AFG3L2: variants seen among roughly 807,000 people sequenced by gnomAD.
The protein encoded by AFG3L2 is AFG3 like matrix AAA peptidase subunit 2, also known as mitochondrial inner membrane m-AAA protease component AFG3L2.
A neutral mutation model predicts 94.5 loss-of-function variants in AFG3L2; 54 were observed. That is an observed-to-expected ratio of 0.57 (90% CI 0.46 to 0.72). The LOEUF (loss-of-function observed/expected upper bound fraction) is 0.72, where lower values mean the gene tolerates loss of function less well. AFG3L2 is among the 30% of genes least tolerant of loss of function. The pLI, the probability that AFG3L2 is intolerant of heterozygous loss-of-function variation, is 0.00. For missense variants in AFG3L2, 754 were observed against 994.9 expected (o/e 0.76, Z 3.26); for synonymous variants, 377 against 365.5 (o/e 1.03, Z -0.36).
At position 12,360,044 on chromosome 18, in the gene AFG3L2, A is replaced by G. The variant is rs1346072536; in HGVS notation, c.635T>C (p.Val212Ala). ...PGKTPVDGQY[V>A]WFNIGSVDTF... ...GTCCACACTGCCAATATTAAACCAA[A>G]CGTATTGCTATAAAAACAAAAAAAC... Residue 212 changes from valine (V) to alanine (A), a missense_variant, in exon 7 of 17, where the codon GTT becomes GCT. By Grantham distance (64) the Val-to-Ala change is moderately conservative. Coordinates refer to ENST00000269143, the MANE Select transcript of AFG3L2 (RefSeq NM_006796.3). 1.2e-6 allele frequency: 2 copies of G among 1,614,054 alleles called. No individual in the cohort carries two copies. Among genetic ancestry groups the G allele is most frequent in the Admixed American group, 1.7e-5 (1 of 60,018 alleles).
At chr18:12,349,086 C>T (rs754822973) in intron 12 of AFG3L2, among the ~76,000 whole-genome samples, 20 of 151,926 alleles carry the variant, frequency 1.3e-4, no homozygotes, top group Non-Finnish European at 2.1e-4. Context: ...TTTCATTTTG[C>T]GTTCAGAAGG....
chr18:12,332,945 A>AAT lies in AFG3L2; in HGVS notation c.2176-3164_2176-3163dup, dbSNP rs377242840. Among the ~76,000 whole-genome samples the AAT allele has an allele frequency of 0.017, 1,883 of 111,626 alleles. 243 individuals are homozygous for AAT. The East Asian group carries it at 0.25, about 15-fold the overall frequency. The allele number at this position is 111,626 out of a possible 152,430, so 73.2% of individuals were successfully genotyped here. On this transcript the variant is annotated intron_variant, in intron 16 of 16. Coordinates refer to ENST00000269143, the MANE Select transcript of AFG3L2 (RefSeq NM_006796.3). ...ATATAACATATACTATATAACATAT[A>AAT]ATATATTATATACTATAATATATTA...
chr18:12,372,265 C>A (rs1157701601), intron 1 of AFG3L2, among the ~76,000 whole-genome samples: 1 of 152,204 alleles, frequency 6.6e-6, no homozygotes, highest in African/African-American at 2.4e-5. Context: ...GATCACGCCA[C>A]TGCACTCCAG....
At chr18:12,357,936 G>A (rs1908543675) in intron 8 of AFG3L2, among the ~76,000 whole-genome samples, 1 of 152,114 alleles carries the variant, frequency 6.6e-6, no homozygotes, top group South Asian at 2.1e-4. Context: ...AGACAGTTAG[G>A]TGTAATGCAA....
chr18:12,348,529 T>G (rs1908216954), intron 12 of AFG3L2, 146 bp from the exon 13 acceptor site: 2 of 713,328 alleles, frequency 2.8e-6, no homozygotes, highest in Non-Finnish European at 5.0e-6. Context: ...CTGTTTTGAC[T>G]CATGATAACC....
intron 8 of AFG3L2, among the ~76,000 whole-genome samples, chr18:12,357,601 T>C (rs1568142112): frequency 6.6e-6 from 1 of 152,084 alleles, no homozygotes; most frequent in Non-Finnish European, 1.5e-5. Flanking sequence ...GCTCAAACAA[T>C]ACACTTTTTT....
At position 12,354,138 on chromosome 18, in the gene AFG3L2, C is replaced by CA. The variant is rs1313998052; in HGVS notation, c.1165-981_1165-980insT. 8.9e-5 allele frequency among the ~76,000 whole-genome samples: 12 copies of CA among 134,632 alleles called. 1 individual carries two copies. Among genetic ancestry groups the CA allele is most frequent in the African/African-American group, 3.0e-4 (10 of 33,224 alleles). The allele number at this position is 134,632 out of a possible 152,430, so 88.3% of individuals were successfully genotyped here. A position where few individuals can be genotyped will look rare whatever the true frequency, so the allele number is the denominator to read the frequency against. On this transcript the variant is annotated intron_variant, in intron 9 of 16. Transcript: ENST00000269143. ...TCTCCACCTGCCCACTCCCACCCCC[C>CA]CCCCCCCACTTCACTGGACAGAAGT...
rs1230338272 is a variant in AFG3L2, at chr18:12,377,033, C to T, written c.50G>A (p.Arg17His). 11 of 1,441,686 alleles carry T rather than the reference C, an allele frequency of 7.6e-6. No homozygotes were observed. The East Asian group carries it at 2.1e-4, about 28-fold the overall frequency. The allele number at this position is 1,441,686 out of a possible 1,614,324, so 89.3% of individuals were successfully genotyped here. A position where few individuals can be genotyped will look rare whatever the true frequency, so the allele number is the denominator to read the frequency against. Residue 17 changes from arginine to histidine, a missense_variant, in exon 1 of 17, where the codon CGC becomes CAC. Arg to His is a conservative substitution (Grantham distance 29). This residue lies in a region of AFG3L2 where 236 missense variants were observed against 214.0 expected (regional missense o/e 1.10). Transcript: ENST00000269143. ...RLWGRGGCWP[R>H]GLQQLLVPGG... ...AGGCACGAGGAGCTGCTGTAGGCCG[C>T]GGGGCCAGCAGCCGCCCCGGCCCCA...
chr18:12,337,662 C>T, intron 15 of AFG3L2, 127 bp from the exon 16 acceptor site: 1 of 809,360 alleles, frequency 1.2e-6, no homozygotes, highest in Non-Finnish European at 2.1e-6. Context: ...GCAGCAGCAG[C>T]AGCACAGTGC....
At chr18:12,360,085 G>GT in intron 6 of AFG3L2, 34 bp from the exon 7 acceptor site, 1 of 1,607,032 alleles carries the variant, frequency 6.2e-7, no homozygotes, top group South Asian at 1.1e-5. Flanking sequence ...TCCTAAGAAT[G>GT]TAGTGAAACT....
At chr18:12,343,870 C>A in intron 14 of AFG3L2, 1 of 535,890 alleles carries the variant, frequency 1.9e-6, no homozygotes, top group Non-Finnish European at 3.4e-6. Flanking sequence ...AAACCCACTG[C>A]AACTGCTGCT....
Position 12,329,063 on chromosome 18 carries a change from A to G in AFG3L2, c.*502T>C. 1.4e-6 allele frequency: 1 copy of G among 693,758 alleles called. No homozygotes were observed. The highest frequency in any genetic ancestry group is 2.6e-6 in the Non-Finnish European group (1 of 379,344). 43.0% of individuals were successfully genotyped at this position (693,758 alleles called of 1,614,324 possible). A position where few individuals can be genotyped will look rare whatever the true frequency, so the allele number is the denominator to read the frequency against. Reference sequence around the variant, plus strand: ...CTGTAGAAAACCATTCCATTAAGACAGCAACAAGTGATCTGGATTCAATCT... The same window carrying G: ...CTGTAGAAAACCATTCCATTAAGACGGCAACAAGTGATCTGGATTCAATCT... On this transcript the variant is annotated 3_prime_UTR_variant, in exon 17 of 17. Coordinates refer to ENST00000269143, the MANE Select transcript of AFG3L2 (RefSeq NM_006796.3).
At chr18:12,366,275 T>A (rs1349903173) in intron 5 of AFG3L2, among the ~76,000 whole-genome samples, 1 of 152,220 alleles carries the variant, frequency 6.6e-6, no homozygotes, top group African/African-American at 2.4e-5. Flanking sequence ...CAGCATCTTA[T>A]TAGATTTGTC....
chr18:12,329,386 T>A lies in AFG3L2; in HGVS notation c.*179A>T. The A allele has an allele frequency of 1.4e-6, 1 of 713,218 alleles. No homozygotes were observed. Among genetic ancestry groups the A allele is most frequent in the Non-Finnish European group, 2.5e-6 (1 of 403,662 alleles). The allele number at this position is 713,218 out of a possible 1,614,324, so 44.2% of individuals were successfully genotyped here. On this transcript the variant is annotated 3_prime_UTR_variant, in exon 17 of 17. Transcript: ENST00000269143. ...CCCTCAAGGCCTCCGGAAAGTCACC[T>A]GCCACCCACTGTGACCTCTGAGGCT... is the stretch of plus-strand genomic sequence containing the variant.
intron 16 of AFG3L2, among the ~76,000 whole-genome samples, chr18:12,336,307 G>A (rs1348310293): frequency 3.3e-5 from 5 of 152,164 alleles, no homozygotes; most frequent in Non-Finnish European, 5.9e-5. Flanking sequence ...GGCCTTTTGC[G>A]ATAGCTTTTC....
intron 12 of AFG3L2, among the ~76,000 whole-genome samples, chr18:12,350,826 T>C (rs1221104788): frequency 6.6e-6 from 1 of 152,164 alleles, no homozygotes; most frequent in Non-Finnish European, 1.5e-5. Context: ...TACATGCCTG[T>C]AGTCCCAGCT....
intron 10 of AFG3L2, among the ~76,000 whole-genome samples, chr18:12,352,717 T>C (rs1908355945): frequency 6.6e-6 from 1 of 152,178 alleles, no homozygotes. Flanking sequence ...ATTATTTGTA[T>C]TAGTATAAAA....
intron 3 of AFG3L2, among the ~76,000 whole-genome samples, chr18:12,368,896 C>T (rs1908891138): frequency 6.6e-6 from 1 of 152,116 alleles, no homozygotes; most frequent in South Asian, 2.1e-4. Context: ...GCCACCGCAC[C>T]CGGACCGAAT....
intron 3 of AFG3L2, 34 bp from the exon 4 acceptor site, chr18:12,367,416 G>C (rs757006850): frequency 3.1e-6 from 5 of 1,601,478 alleles, no homozygotes; most frequent in East Asian, 4.5e-5. Flanking sequence ...ACAGAAGCAC[G>C]GCAAGGTTTT....
Sources: allele counts gnomAD v4.1 joint callset (sites outside exome capture counted in the v4.1 genomes callset), GRCh38; gene constraint gnomAD v4.1.1; regional missense constraint gnomAD v4.1.1; transcripts MANE v1.5; gene names NCBI Gene and HGNC (gene_info 2026-07-23, HGNC 2026-07-21).